STRBP: variants seen among roughly 807,000 people sequenced by gnomAD.
The protein encoded by STRBP is spermatid perinuclear RNA binding protein.
In STRBP, 13 loss-of-function variants were observed where a neutral mutation model predicts 80.1. The ratio of observed to expected loss-of-function variants is 0.16; its 90% CI spans 0.11 to 0.26. STRBP has a LOEUF of 0.26. STRBP is among the 10% of genes least tolerant of loss of function. STRBP has a pLI of 1.00. For synonymous variants in STRBP, 284 were observed against 291.2 expected, an observed-to-expected ratio of 0.98 and a Z score of 0.25; for missense variants, 485 against 815.2, an observed-to-expected ratio of 0.59 and a Z score of 4.93.
intron 3 of STRBP, chr9:123,114,806 G>A (rs1157282176): frequency 1.8e-5 from 4 of 224,396 alleles, no homozygotes; most frequent in Admixed American, 5.5e-5. Flanking sequence ...CCCCGCCCCC[G>A]GATGGGTGCT....
downstream of STRBP, among the ~76,000 whole-genome samples, chr9:123,117,354 C>T (rs930862586): frequency 6.6e-6 from 1 of 152,164 alleles, no homozygotes; most frequent in African/African-American, 2.4e-5. Flanking sequence ...GCCATCCCCG[C>T]ACCCACCCAC....
At chr9:123,208,502 G>A (rs186960517) in intron 2 of STRBP, among the ~76,000 whole-genome samples, 12 of 152,242 alleles carry the variant, frequency 7.9e-5, no homozygotes, top group African/African-American at 2.6e-4. Flanking sequence ...TTTCTTAAGG[G>A]GAGGGGCAAA....
At chr9:123,139,853 T>C (rs2132331056) in intron 13 of STRBP, among the ~76,000 whole-genome samples, 166 bp from the exon 14 acceptor site, 2 of 152,322 alleles carry the variant, frequency 1.3e-5, no homozygotes, top group East Asian at 3.9e-4. Flanking sequence ...AAATATGGTA[T>C]ACCTACCAGG....
At chr9:123,242,387 G>A (rs1271380202) in intron 1 of STRBP, among the ~76,000 whole-genome samples, 2 of 152,124 alleles carry the variant, frequency 1.3e-5, no homozygotes, top group Non-Finnish European at 2.9e-5. Flanking sequence ...AGCCAGGCAC[G>A]GTGGCTCATG....
chr9:123,132,999 A>G lies in STRBP; in HGVS notation c.1774-31T>C, dbSNP rs1164342729. On this transcript the variant is annotated intron_variant, in intron 16 of 18. Coordinates refer to ENST00000348403, the MANE Select transcript of STRBP (RefSeq NM_018387.5). ...AAAATAACACATTTTCATTACTGAA[A>G]GAAATAAGAACCATTTTATTTCTTC... The G allele has an allele frequency of 8.7e-6, 14 of 1,606,888 alleles. No homozygotes were observed. In the Admixed American group the frequency reaches 1.4e-4, roughly 16 times the overall value.
At position 123,115,850 on chromosome 9, in the gene STRBP, T is replaced by G. The variant is rs1173195328; in HGVS notation, c.*84+79A>C. On this transcript the variant is annotated intron_variant and NMD_transcript_variant, in intron 3 of 3. Transcript: ENST00000471564. This position sits in a 1 kb window ranked among gnomAD's most constrained non-coding sequence, Gnocchi z 5.0. ...CGCGGGAGGTGTATTTTAGCTCAAA[T>G]TGCCCCACTGGCTTCCCATAATTGT... The G allele has an allele frequency of 2.8e-6, 1 of 360,408 alleles. No homozygotes were observed. The highest frequency in any genetic ancestry group is 5.5e-6 in the Non-Finnish European group (1 of 183,374). 22.3% of individuals were successfully genotyped at this position (360,408 alleles called of 1,614,324 possible).
intron 13 of STRBP, among the ~76,000 whole-genome samples, chr9:123,144,866 T>TA (rs1287698463): frequency 6.6e-6 from 1 of 152,172 alleles, no homozygotes; most frequent in East Asian, 1.9e-4. Flanking sequence ...GCAGGCCACT[T>TA]AAGACTGACA....
At chr9:123,196,816 G>A (rs1341412463) in intron 2 of STRBP, among the ~76,000 whole-genome samples, 2 of 152,176 alleles carry the variant, frequency 1.3e-5, no homozygotes, top group African/African-American at 2.4e-5. Flanking sequence ...CCAGTTTGGA[G>A]AACAGTTTGA....
intron 3 of STRBP, chr9:123,112,879 C>G (rs1027272799): frequency 2.4e-5 from 4 of 167,152 alleles, no homozygotes; most frequent in African/African-American, 9.7e-5. Context: ...CAGTCCGTCC[C>G]CGCCCCTTTA....
At chr9:123,121,089 C>G (rs2035725571), downstream of STRBP, among the ~76,000 whole-genome samples, 1 of 152,172 alleles carries the variant, frequency 6.6e-6, no homozygotes, top group Admixed American at 6.5e-5. Flanking sequence ...CTAATAGGCA[C>G]TGGGCTGTTT....
Position 123,124,177 on chromosome 9 carries a change from T to G in STRBP, c.*1420A>C. The stretch of plus-strand genomic sequence containing the variant: ...ATTTTGTGAAGCCCATTCTCATGGA[T>G]GGGCCCTGTCAAGTTCCCAAAAGCA... On this transcript the variant is annotated 3_prime_UTR_variant, in exon 19 of 19. Coordinates refer to ENST00000348403, the MANE Select transcript of STRBP (RefSeq NM_018387.5). 2.0e-6 allele frequency: 2 copies of G among 985,460 alleles called. No homozygotes were observed. The highest frequency in any genetic ancestry group is 9.4e-5 in the South Asian group (2 of 21,284). The allele number at this position is 985,460 out of a possible 1,614,324, so 61.0% of individuals were successfully genotyped here. A position where few individuals can be genotyped will look rare whatever the true frequency, so the allele number is the denominator to read the frequency against.
intron 2 of STRBP, among the ~76,000 whole-genome samples, chr9:123,233,934 C>T (rs1464037615): frequency 6.6e-6 from 1 of 152,178 alleles, no homozygotes; most frequent in Non-Finnish European, 1.5e-5. Flanking sequence ...GGCGCGGTGG[C>T]TCACGCCTGT....
chr9:123,155,567 T>C (rs372546059), intron 11 of STRBP, among the ~76,000 whole-genome samples: 2 of 151,934 alleles, frequency 1.3e-5, no homozygotes, highest in African/African-American at 4.8e-5. Context: ...ACGAGGAGGA[T>C]GAAGGACTAT....
At chr9:123,239,962 A>G (rs1042796046) in intron 1 of STRBP, among the ~76,000 whole-genome samples, 5 of 152,192 alleles carry the variant, frequency 3.3e-5, no homozygotes, top group African/African-American at 9.6e-5. Flanking sequence ...GATTCATCCA[A>G]TGTCACAAAC....
At chr9:123,178,491 C>G (rs182092276) in intron 4 of STRBP, among the ~76,000 whole-genome samples, 1 of 152,192 alleles carries the variant, frequency 6.6e-6, no homozygotes, top group Admixed American at 6.5e-5. Context: ...GATCTTTATC[C>G]AATCCACAAA....
chr9:123,203,391 C>A (rs555307085), intron 2 of STRBP, among the ~76,000 whole-genome samples: 26 of 152,012 alleles, frequency 1.7e-4, no homozygotes, highest in Non-Finnish European at 3.5e-4. Context: ...AACAGCATTC[C>A]TCTGCTCAAA....
intron 1 of STRBP, among the ~76,000 whole-genome samples, chr9:123,259,156 G>A (rs2041107162): frequency 6.6e-6 from 1 of 151,972 alleles, no homozygotes; most frequent in African/African-American, 2.4e-5. Flanking sequence ...GTCAGATTCT[G>A]GATATATTTT....
At chr9:123,154,398 T>A (rs947259369) in intron 11 of STRBP, among the ~76,000 whole-genome samples, 1 of 152,100 alleles carries the variant, frequency 6.6e-6, no homozygotes, top group African/African-American at 2.4e-5. Context: ...TAGGAAAGCA[T>A]ACACAAGTGG....
intron 2 of STRBP, among the ~76,000 whole-genome samples, chr9:123,216,682 A>T (rs950927493): frequency 3.3e-5 from 5 of 152,186 alleles, no homozygotes; most frequent in Admixed American, 2.0e-4. Context: ...TACCCATATA[A>T]ATAGCAAACA....
Sources: allele counts gnomAD v4.1 joint callset (sites outside exome capture counted in the v4.1 genomes callset), GRCh38; gene constraint gnomAD v4.1.1; non-coding constraint Gnocchi (gnomAD v3.1); transcripts MANE v1.5; gene names NCBI Gene and HGNC (gene_info 2026-07-23, HGNC 2026-07-21).